Variants in ZNF573 observed in about 807,000 individuals in gnomAD.
The protein encoded by ZNF573 is zinc finger protein 573.
A neutral mutation model predicts 57.4 loss-of-function variants in ZNF573; 41 were observed. The observed-to-expected ratio is 0.71, with a 90% CI of 0.56 to 0.93. The LOEUF is 0.93. ZNF573 is among the 40% of genes least tolerant of loss of function. The probability of loss-of-function intolerance (pLI) is 0.00; values close to 1 mark genes in which losing one functional copy is unlikely to be tolerated. For missense variants in ZNF573, 730 were observed against 794.8 expected (o/e 0.92, Z 0.98); for synonymous variants, 249 against 261.0 (o/e 0.95, Z 0.44).
intron 4 of ZNF573, among the ~76,000 whole-genome samples, chr19:37,754,766 G>A (rs2045471585): frequency 6.6e-6 from 1 of 150,956 alleles, no homozygotes. Context: ...TTGAATTAAG[G>A]GAACAAATTA....
intron 4 of ZNF573, among the ~76,000 whole-genome samples, chr19:37,745,331 C>T (rs2045371091): frequency 6.6e-6 from 1 of 152,082 alleles, no homozygotes; most frequent in Non-Finnish European, 1.5e-5. Context: ...CTTCTGTCTG[C>T]CTCAGCCTCC....
chr19:37,739,739 A>G lies in ZNF573; in HGVS notation c.751T>C (p.Cys251Arg). 3 of 1,613,452 alleles carry G rather than the reference A, an allele frequency of 1.9e-6. No homozygotes were observed. The highest frequency in any genetic ancestry group is 2.2e-5 in the East Asian group (1 of 44,846). ...CCACCTTGACTAAAGGCCCTCCCAC[A>G]CTCCTGACATTCATACGGCTTCCCA... ...TGGKPYECQECGRAFSQGGHL... is the reference protein window; with the variant it reads ...TGGKPYECQERGRAFSQGGHL... Residue 251 changes from cysteine to arginine, a missense_variant, in exon 5 of 5, where the codon TGT (cysteine) becomes CGT (arginine). Coordinates refer to ENST00000536220, the MANE Select transcript of ZNF573 (RefSeq NM_001172690.2).
In ZNF573 at chr19:37,776,434, T is replaced by C. The variant is rs186321786; in HGVS notation, c.-22-2683A>G. ...ACTGGGATAATTGGCAAGCCACGTG[T>C]AGAAGAATGAAACTGGAGCTTCATC... is the stretch of plus-strand genomic sequence containing the variant. On this transcript the variant is annotated intron_variant, in intron 1 of 4. Transcript: ENST00000536220. Among the ~76,000 whole-genome samples, 476 of 152,326 alleles carry C rather than the reference T, an allele frequency of 3.1e-3. 2 individuals are homozygous for C. Among genetic ancestry groups the C allele is most frequent in the South Asian group, 9.5e-3 (46 of 4,830 alleles).
intron 2 of ZNF573, among the ~76,000 whole-genome samples, chr19:37,772,379 T>C (rs531443549): frequency 5.8e-4 from 88 of 152,032 alleles, no homozygotes; most frequent in African/African-American, 1.9e-3. Context: ...GCAATCCGCC[T>C]GCCTCAGCCT....
chr19:37,771,522 T>A, intron 3 of ZNF573, 42 bp downstream of exon 3: 1 of 1,593,262 alleles, frequency 6.3e-7, no homozygotes, highest in Non-Finnish European at 8.5e-7. Context: ...AGGTAACATA[T>A]CACAGATCAC....
chr19:37,762,349 G>T (rs2045560540), intron 4 of ZNF573, among the ~76,000 whole-genome samples: 1 of 152,112 alleles, frequency 6.6e-6, no homozygotes, highest in African/African-American at 2.4e-5. Context: ...GGACATTACT[G>T]GGATAATTGG....
In ZNF573 at chr19:37,738,494, A is replaced by C. The variant is rs2045282451; in HGVS notation, c.1996T>G (p.Ter666GluextTer20). The C allele has an allele frequency of 6.5e-7, 1 of 1,527,624 alleles. No homozygotes were observed. Among genetic ancestry groups the C allele is most frequent in the Non-Finnish European group, 8.8e-7 (1 of 1,141,826 alleles). The allele number at this position is 1,527,624 out of a possible 1,614,324, so 94.6% of individuals were successfully genotyped here. A position where few individuals can be genotyped will look rare whatever the true frequency, so the allele number is the denominator to read the frequency against. ...GCGCGCTCGTACTCTTTACGGTCTT[A>C]CACTTTTATGCTCCTATGAATTCTC... ...HQRIHRSIKV[*>E] The change falls in exon 5 of 5, where the codon TAA (stop) becomes GAA (glutamate). Residue 666 changes from the stop codon to glutamate, a stop_lost. Coordinates refer to ENST00000536220, the MANE Select transcript of ZNF573 (RefSeq NM_001172690.2).
At chr19:37,759,170 A>C in intron 4 of ZNF573, 4 of 598,950 alleles carry the variant, frequency 6.7e-6, no homozygotes, top group Non-Finnish European at 6.3e-6. Context: ...CAAAATAACG[A>C]ATCACACAAT....
At chr19:37,767,212 A>C (rs985212597) in intron 4 of ZNF573, among the ~76,000 whole-genome samples, 18 of 152,088 alleles carry the variant, frequency 1.2e-4, no homozygotes, top group Non-Finnish European at 2.1e-4. Context: ...GCCAACATAA[A>C]AAACGGCATG....
At position 37,738,738 on chromosome 19, in the gene ZNF573, A is replaced by G; in HGVS notation, c.1752T>C (p.Cys584=). 1 of 1,613,776 alleles carries G rather than the reference A, an allele frequency of 6.2e-7. No individual in the cohort carries two copies. The highest frequency in any genetic ancestry group is 8.5e-7 in the Non-Finnish European group (1 of 1,179,946). Residue 584 remains cysteine, a synonymous_variant, in exon 5 of 5, where the codon TGT becomes TGC. Coordinates refer to ENST00000536220, the MANE Select transcript of ZNF573 (RefSeq NM_001172690.2). ...SIHADKKPYE[C]KECGKAFKMY... ...TTTTAAAGGCCTTTCCACATTCTTT[A>G]CATTCATAGGGTTTTTTATCAGCAT... is the stretch of plus-strand genomic sequence containing the variant.
At chr19:37,749,547 T>C (rs2045414104) in intron 4 of ZNF573, among the ~76,000 whole-genome samples, 1 of 151,940 alleles carries the variant, frequency 6.6e-6, no homozygotes, top group Non-Finnish European at 1.5e-5. Flanking sequence ...GGAGAAAACT[T>C]GAAAATTGGT....
intron 4 of ZNF573, among the ~76,000 whole-genome samples, chr19:37,749,832 A>C (rs1175927911): frequency 6.6e-6 from 1 of 152,206 alleles, no homozygotes; most frequent in Admixed American, 6.5e-5. Context: ...TTAGGATAAA[A>C]ACATGTTACT....
At chr19:37,742,782 C>G (rs1422491035) in intron 4 of ZNF573, among the ~76,000 whole-genome samples, 1 of 152,122 alleles carries the variant, frequency 6.6e-6, no homozygotes, top group African/African-American at 2.4e-5. Context: ...GATTTCATGA[C>G]AAAAATGACA....
chr19:37,773,571 G>A, intron 2 of ZNF573, 90 bp downstream of exon 2: 1 of 934,966 alleles, frequency 1.1e-6, no homozygotes, highest in African/African-American at 1.7e-5. Context: ...ACTGAAGGAG[G>A]CCTTCTTAAA....
chr19:37,749,470 T>C (rs1183653830), intron 4 of ZNF573, among the ~76,000 whole-genome samples: 1 of 152,068 alleles, frequency 6.6e-6, no homozygotes, highest in East Asian at 1.9e-4. Context: ...TTTATATCCA[T>C]TTATATTTGA....
intron 4 of ZNF573, among the ~76,000 whole-genome samples, chr19:37,753,405 A>G (rs1347463956): frequency 1.3e-5 from 2 of 152,266 alleles, no homozygotes; most frequent in East Asian, 3.9e-4. Flanking sequence ...TTTAAAATAT[A>G]CAATTAAATT....
chr19:37,750,298 G>T (rs895462850), intron 4 of ZNF573, among the ~76,000 whole-genome samples: 1 of 151,960 alleles, frequency 6.6e-6, no homozygotes, highest in Admixed American at 6.6e-5. Flanking sequence ...AGCCAGACTG[G>T]GTCACAAACT....
At chr19:37,752,516 T>C (rs1169329101) in intron 4 of ZNF573, among the ~76,000 whole-genome samples, 1 of 152,222 alleles carries the variant, frequency 6.6e-6, no homozygotes, top group Non-Finnish European at 1.5e-5. Context: ...AGGCCACATG[T>C]TGCTTGATTC....
At chr19:37,773,827 C>A in intron 1 of ZNF573, 76 bp from the exon 2 acceptor site, 1 of 913,060 alleles carries the variant, frequency 1.1e-6, no homozygotes. Context: ...TCTATTTCTC[C>A]TTCCAAATTA....
Sources: gnomAD v4.1 joint callset for allele counts (sites outside exome capture counted in the v4.1 genomes callset) on GRCh38, gnomAD v4.1.1 for gene constraint, MANE v1.5 for transcripts, NCBI Gene and HGNC (gene_info 2026-07-23, HGNC 2026-07-21) for gene names.